Variants in TNFRSF10A observed in about 807,000 individuals in gnomAD.
TNFRSF10A encodes the protein TNF receptor superfamily member 10a, also known as tumor necrosis factor receptor superfamily member 10A.
A neutral mutation model predicts 42.8 loss-of-function variants in TNFRSF10A; 44 were observed. The ratio of observed to expected loss-of-function variants is 1.03; its 90% confidence interval spans 0.81 to 1.32. TNFRSF10A has a LOEUF of 1.32. TNFRSF10A is among the 40% of genes most tolerant of loss of function. TNFRSF10A has a pLI of 0.00. For synonymous variants in TNFRSF10A, 259 were observed against 234.2 expected (o/e 1.11, Z -0.97); for missense variants, 680 against 602.0 (o/e 1.13, Z -1.36).
Position 23,200,520 on chromosome 8 carries a change from A to G in TNFRSF10A, c.784T>C (p.Cys262Arg). The G allele has an allele frequency of 2.5e-6, 4 of 1,614,202 alleles. No individual in the cohort carries two copies. The South Asian group carries it at 4.4e-5, about 18-fold the overall frequency. Residue 262 changes from cysteine to arginine, a missense_variant, in exon 6 of 10, where the codon TGT becomes CGT. Physicochemically the swap from Cys to Arg is radical, Grantham distance 180. Transcript: ENST00000221132. ...CAGCACCTACCTGAGCCGATGCAAC[A>G]ACAGACAATCAGCACAGCCACCAAC... ...LLLVAVLIVC[C>R]CIGSGCGGDP...
Position 23,191,254 on chromosome 8 carries a change from G to A in TNFRSF10A, c.*440C>T. The A allele has an allele frequency of 5.8e-6, 1 of 172,766 alleles. No individual in the cohort carries two copies. The highest frequency in any genetic ancestry group is 1.5e-4 in the South Asian group (1 of 6,540). The allele number at this position is 172,766 out of a possible 1,614,324, so 10.7% of individuals were successfully genotyped here. On this transcript the variant is annotated 3_prime_UTR_variant, in exon 10 of 10. Coordinates refer to ENST00000221132, the MANE Select transcript of TNFRSF10A (RefSeq NM_003844.4). ...AACACACGGAGGCCAGCTCAGGGGA[G>A]AACCAGATTTTCCTTTGGCATGTGA...
At chr8:23,216,785 T>C (rs3898407) in intron 1 of TNFRSF10A, among the ~76,000 whole-genome samples, 142,119 of 152,136 alleles carry the variant, frequency 0.93, 67,215 homozygotes, top group East Asian at 1. Context: ...TTGATTTCAT[T>C]CGTGAACTAT....
intron 9 of TNFRSF10A, among the ~76,000 whole-genome samples, chr8:23,196,767 A>C (rs1432146337): frequency 6.6e-6 from 1 of 152,228 alleles, no homozygotes; most frequent in Non-Finnish European, 1.5e-5. Flanking sequence ...AGTTTATACA[A>C]CAGCTCTGCA....
At chr8:23,220,420 C>T (rs1257563776) in intron 1 of TNFRSF10A, among the ~76,000 whole-genome samples, 1 of 152,238 alleles carries the variant, frequency 6.6e-6, no homozygotes, top group Non-Finnish European at 1.5e-5. Context: ...CTTAGACACT[C>T]AGGCTATCAA....
intron 1 of TNFRSF10A, among the ~76,000 whole-genome samples, chr8:23,221,861 C>T (rs908600492): frequency 4.0e-5 from 6 of 151,416 alleles, no homozygotes; most frequent in Admixed American, 6.6e-5. Context: ...TGCAGGGACA[C>T]GGGCACGCTT....
chr8:23,191,502 GT>G lies in TNFRSF10A; in HGVS notation c.*191del. 1 of 710,164 alleles carries G rather than the reference GT, an allele frequency of 1.4e-6. No homozygotes were observed. The allele number at this position is 710,164 out of a possible 1,614,324, so 44.0% of individuals were successfully genotyped here. Reference sequence around the variant, plus strand: ...TTTTGTAAAGACGGCATTTCACGATGTTGGTCAGGCTGGTCTTGAACTTCTG... The same window carrying G: ...TTTTGTAAAGACGGCATTTCACGATGTGGTCAGGCTGGTCTTGAACTTCTG... On this transcript the variant is annotated 3_prime_UTR_variant, in exon 10 of 10. Coordinates refer to ENST00000221132, the MANE Select transcript of TNFRSF10A (RefSeq NM_003844.4).
At position 23,200,551 on chromosome 8, in the gene TNFRSF10A, C is replaced by T. The variant is rs1321398911; in HGVS notation, c.753G>A (p.Pro251=). Reference sequence around the variant, plus strand: ...CAATCAGCACAGCCACCAACAGCAACGGAACAACCAAAGTCACAACCAAAA... The same window carrying T: ...CAATCAGCACAGCCACCAACAGCAATGGAACAACCAAAGTCACAACCAAAA... ...WVILVVTLVV[P]LLLVAVLIVC... Residue 251 remains proline (P), a synonymous_variant, in exon 6 of 10, where the codon CCG becomes CCA. Coordinates refer to ENST00000221132, the MANE Select transcript of TNFRSF10A (RefSeq NM_003844.4). 2.5e-5 allele frequency: 41 copies of T among 1,614,228 alleles called. No homozygotes were observed. Among genetic ancestry groups the T allele is most frequent in the South Asian group, 1.9e-4 (17 of 91,092 alleles).
chr8:23,220,045 T>C (rs913011693), intron 1 of TNFRSF10A, among the ~76,000 whole-genome samples: 2 of 152,286 alleles, frequency 1.3e-5, no homozygotes, highest in Admixed American at 1.3e-4. Flanking sequence ...CATCCCCTCC[T>C]GGCCACAGGC....
In TNFRSF10A at chr8:23,200,384, G is replaced by A. The variant is rs113905904; in HGVS notation, c.799+121C>T. On this transcript the variant is annotated intron_variant, in intron 6 of 9. Coordinates refer to ENST00000221132, the MANE Select transcript of TNFRSF10A (RefSeq NM_003844.4). ...GGAGGATGGGGGGTGATCACAAGGA[G>A]GAAGATAGAGCCCGGCCAGAGACAC... is the stretch of plus-strand genomic sequence containing the variant. 5,439 of 1,096,058 alleles carry A rather than the reference G, an allele frequency of 5.0e-3. 181 individuals carry two copies. The African/African-American group carries it at 0.074, about 15-fold the overall frequency. 67.9% of individuals were successfully genotyped at this position (1,096,058 alleles called of 1,614,324 possible).
chr8:23,208,944 G>A (rs1434764670), intron 2 of TNFRSF10A, among the ~76,000 whole-genome samples: 1 of 152,192 alleles, frequency 6.6e-6, no homozygotes, highest in Non-Finnish European at 1.5e-5. Flanking sequence ...CATGTTAGAG[G>A]TCATCATGGC....
intron 1 of TNFRSF10A, among the ~76,000 whole-genome samples, chr8:23,223,561 A>G (rs1334653936): frequency 6.6e-6 from 1 of 152,288 alleles, no homozygotes; most frequent in East Asian, 1.9e-4. Context: ...ACTGACGTTT[A>G]AAACATAAAT....
intron 1 of TNFRSF10A, among the ~76,000 whole-genome samples, chr8:23,217,650 C>T (rs1801202863): frequency 7.0e-6 from 1 of 143,652 alleles, no homozygotes; most frequent in South Asian, 2.2e-4. Flanking sequence ...GTTCTTCCCA[C>T]CTCTCACATG....
chr8:23,197,165 G>A lies in TNFRSF10A; in HGVS notation c.1054C>T (p.Leu352=). ...EAEGSQRRRL[L]VPANGADPTE... ...GGGTCAGCACCATTTGCTGGAACCA[G>A]CAGCCTCCTCCTCTGAGACCCTTCA... is the stretch of plus-strand genomic sequence containing the variant. The change falls in exon 9 of 10, where the codon CTG becomes TTG. Residue 352 remains leucine, a synonymous_variant. Coordinates refer to ENST00000221132, the MANE Select transcript of TNFRSF10A (RefSeq NM_003844.4). 1 of 1,614,178 alleles carries A rather than the reference G, an allele frequency of 6.2e-7. No individual in the cohort carries two copies. The highest frequency in any genetic ancestry group is 1.1e-5 in the South Asian group (1 of 91,082).
intron 2 of TNFRSF10A, among the ~76,000 whole-genome samples, chr8:23,203,427 C>T (rs1800964304): frequency 6.6e-6 from 1 of 152,190 alleles, no homozygotes; most frequent in Non-Finnish European, 1.5e-5. Flanking sequence ...AAAGAATGAT[C>T]CACAGAAAGA....
At position 23,224,748 on chromosome 8, in the gene TNFRSF10A, G is replaced by C. The variant is rs761162924; in HGVS notation, c.306+8C>G. 11 of 1,560,690 alleles carry C rather than the reference G, an allele frequency of 7.0e-6. No individual in the cohort carries two copies. In the South Asian group the frequency reaches 1.2e-4, roughly 17 times the overall value. On this transcript the variant is annotated splice_region_variant and intron_variant, in intron 1 of 9. Coordinates refer to ENST00000221132, the MANE Select transcript of TNFRSF10A (RefSeq NM_003844.4). ...TTTTCCCCAGGCAGGACCGCGGTGG[G>C]GACTCACCTGCAGCAGGACCCCGAC... is the stretch of plus-strand genomic sequence containing the variant.
chr8:23,191,334 G>A lies in TNFRSF10A; in HGVS notation c.*360C>T, dbSNP rs1256697663. On this transcript the variant is annotated 3_prime_UTR_variant, in exon 10 of 10. Coordinates refer to ENST00000221132, the MANE Select transcript of TNFRSF10A (RefSeq NM_003844.4). ...TTATTTTATTTTATCTTGAGACAGAGTCTTGCTCTGTGTCCCAGGCTGGAG... is the reference window on the plus strand; with the variant it reads ...TTATTTTATTTTATCTTGAGACAGAATCTTGCTCTGTGTCCCAGGCTGGAG... 3.6e-6 allele frequency: 1 copy of A among 276,412 alleles called. No homozygotes were observed. The highest frequency in any genetic ancestry group is 6.7e-6 in the Non-Finnish European group (1 of 148,286). The allele number at this position is 276,412 out of a possible 1,614,324, so 17.1% of individuals were successfully genotyped here.
intron 1 of TNFRSF10A, among the ~76,000 whole-genome samples, chr8:23,218,936 T>G (rs1801220494): frequency 6.6e-6 from 1 of 152,258 alleles, no homozygotes; most frequent in African/African-American, 2.4e-5. Context: ...GTACTGTATT[T>G]CAGCACATGC....
In TNFRSF10A at chr8:23,207,396, T is replaced by C. The variant is rs1019160367; in HGVS notation, c.404-4635A>G. On this transcript the variant is annotated intron_variant, in intron 2 of 9. Transcript: ENST00000221132. ...CTGAATCCAGCTGGCTAATTCTAAATACATGTATATGTTTTCACCAGAAAA... is the reference window on the plus strand; with the variant it reads ...CTGAATCCAGCTGGCTAATTCTAAACACATGTATATGTTTTCACCAGAAAA... 7.3e-6 allele frequency: 4 copies of C among 544,968 alleles called. No individual in the cohort carries two copies. The African/African-American group carries it at 7.6e-5, about 10-fold the overall frequency. 33.8% of individuals were successfully genotyped at this position (544,968 alleles called of 1,614,324 possible).
In TNFRSF10A at chr8:23,216,226, T is replaced by A. The variant is rs904538856; in HGVS notation, c.307-4014A>T. Reference sequence around the variant, plus strand: ...TTTCATTGATTTCAGTCTTATTATTTCCTTGTCATGTTGTTACTACCTTTG... The same window carrying A: ...TTTCATTGATTTCAGTCTTATTATTACCTTGTCATGTTGTTACTACCTTTG... On this transcript the variant is annotated intron_variant, in intron 1 of 9. Transcript: ENST00000221132. Among the ~76,000 whole-genome samples the A allele has an allele frequency of 3.9e-5, 6 of 152,214 alleles. No individual in the cohort carries two copies. The South Asian group carries it at 1.2e-3, about 31-fold the overall frequency.
Sources: allele counts gnomAD v4.1 joint callset (sites outside exome capture counted in the v4.1 genomes callset), GRCh38; gene constraint gnomAD v4.1.1; transcripts MANE v1.5; gene names NCBI Gene and HGNC (gene_info 2026-07-23, HGNC 2026-07-21).